QKI: variants seen among roughly 807,000 people sequenced by gnomAD.
QKI encodes QKI, KH domain containing RNA binding.
A neutral mutation model predicts 39.0 loss-of-function variants in QKI; 10 were observed. The observed-to-expected ratio is 0.26, with a 90% CI of 0.16 to 0.43. QKI has a LOEUF of 0.43. Ranked by LOEUF, QKI falls within the 20% of genes least tolerant of loss-of-function variation. QKI has a pLI of 1.00. For synonymous variants in QKI, 204 were observed against 155.4 expected, an observed-to-expected ratio of 1.31 and a Z score of -2.33; for missense variants, 218 against 428.0, an observed-to-expected ratio of 0.51 and a Z score of 4.33.
chr6:163,449,485 A>T (rs141145253), intron 1 of QKI, among the ~76,000 whole-genome samples: 312 of 152,334 alleles, frequency 2.0e-3, no homozygotes, highest in Non-Finnish European at 4.0e-3. Flanking sequence ...TAACATCAGC[A>T]TTGCAAGTTG....
rs1426342189 is a variant in QKI at position 163,424,288 on chromosome 6, A to T, written c.142+8953A>T. Among the ~76,000 whole-genome samples, 5 of 152,336 alleles carry T rather than the reference A, an allele frequency of 3.3e-5. 1 individual carries two copies. Among genetic ancestry groups the T allele is most frequent in the Admixed American group, 3.3e-4 (5 of 15,304 alleles). On this transcript the variant is annotated intron_variant, in intron 1 of 7. Coordinates refer to ENST00000361752, the MANE Select transcript of QKI (RefSeq NM_006775.3). ...CGCTGATTCCACCGTGGTTGCAGTG[A>T]TGCCATTATCATGAGAGTATTCAAG...
rs1562405965 is a variant in QKI, at chr6:163,415,160, G to T, written c.-34G>T. On this transcript the variant is annotated 5_prime_UTR_variant, in exon 1 of 8. Coordinates refer to ENST00000361752, the MANE Select transcript of QKI (RefSeq NM_006775.3). ...CCTCCTCTCCGGCGGCGGCGGCGGC[G>T]GCGGCGGGCGGAGTGAGCTGCGGAG... 8 of 1,416,604 alleles carry T rather than the reference G, an allele frequency of 5.6e-6. No individual in the cohort carries two copies. Among genetic ancestry groups the T allele is most frequent in the Non-Finnish European group, 7.5e-6 (8 of 1,069,374 alleles). The allele number at this position is 1,416,604 out of a possible 1,614,324, so 87.8% of individuals were successfully genotyped here. A position where few individuals can be genotyped will look rare whatever the true frequency, so the allele number is the denominator to read the frequency against.
intron 3 of QKI, among the ~76,000 whole-genome samples, chr6:163,484,028 A>G (rs1793277941): frequency 6.6e-6 from 1 of 152,216 alleles, no homozygotes. Flanking sequence ...CGTCTCTACC[A>G]GAGATTTTGG....
At chr6:163,449,266 A>G (rs73787650) in intron 1 of QKI, among the ~76,000 whole-genome samples, 4,757 of 152,260 alleles carry the variant, frequency 0.031, 241 homozygotes, top group African/African-American at 0.11. Flanking sequence ...GTATGTGTTT[A>G]TATATACTTG....
At chr6:163,524,591 C>A (rs1250290812) in intron 3 of QKI, among the ~76,000 whole-genome samples, 2 of 152,090 alleles carry the variant, frequency 1.3e-5, no homozygotes, top group African/African-American at 4.8e-5. Context: ...GCCTCAGCCT[C>A]CCTAGTAGCT....
intron 1 of QKI, among the ~76,000 whole-genome samples, chr6:163,434,642 G>A (rs1789105095): frequency 6.6e-6 from 1 of 151,986 alleles, no homozygotes. Flanking sequence ...GTGAACCCAG[G>A]AGGCGGAGCT....
At chr6:163,415,663 G>A (rs971790298) in intron 1 of QKI, among the ~76,000 whole-genome samples, 10 of 151,918 alleles carry the variant, frequency 6.6e-5, no homozygotes, top group African/African-American at 2.4e-4. Context: ...GGTCGGCGGG[G>A]GCTGCGCGGA....
At chr6:163,489,090 T>G (rs1777883104) in intron 3 of QKI, among the ~76,000 whole-genome samples, 1 of 151,866 alleles carries the variant, frequency 6.6e-6, no homozygotes, top group Non-Finnish European at 1.5e-5. Flanking sequence ...ATACCTTTAT[T>G]ATTTATTTTC....
intron 1 of QKI, among the ~76,000 whole-genome samples, chr6:163,442,712 T>TG (rs1454062952): frequency 1.3e-5 from 2 of 152,162 alleles, no homozygotes; most frequent in Non-Finnish European, 2.9e-5. Context: ...GAACAAATTT[T>TG]GGGGAAGGCT....
At chr6:163,536,812 A>G (rs1781238436) in intron 4 of QKI, among the ~76,000 whole-genome samples, 1 of 152,216 alleles carries the variant, frequency 6.6e-6, no homozygotes, top group South Asian at 2.1e-4. Flanking sequence ...TTTTTACTTA[A>G]ATAAATGTGG....
intron 3 of QKI, among the ~76,000 whole-genome samples, chr6:163,481,330 G>A (rs376612180): frequency 3.3e-5 from 5 of 152,182 alleles, no homozygotes; most frequent in African/African-American, 1.2e-4. Flanking sequence ...AACACAAAAT[G>A]CTACGATGGG....
intron 3 of QKI, among the ~76,000 whole-genome samples, chr6:163,485,553 T>C (rs997427270): frequency 2.0e-5 from 3 of 152,180 alleles, no homozygotes; most frequent in Non-Finnish European, 4.4e-5. Context: ...CCGTCTGCAA[T>C]TTGTCAGCTC....
At position 163,573,327 on chromosome 6, in the gene QKI, G is replaced by A. The variant is rs1783806564; in HGVS notation, c.*2617G>A. The A allele has an allele frequency of 6.6e-6, 1 of 151,934 alleles. No homozygotes were observed. The highest frequency in any genetic ancestry group is 6.6e-5 in the Admixed American group (1 of 15,236). The allele number at this position is 151,934 out of a possible 1,614,324, so 9.4% of individuals were successfully genotyped here. ...CAGTATTATGTAATTTTTTAGCGTG[G>A]GTAGATGGGAGTGTCGCTTGTATGT... On this transcript the variant is annotated 3_prime_UTR_variant, in exon 8 of 8. Coordinates refer to ENST00000361752, the MANE Select transcript of QKI (RefSeq NM_006775.3).
intron 4 of QKI, among the ~76,000 whole-genome samples, chr6:163,555,011 G>A (rs1214103115): frequency 6.6e-6 from 1 of 152,176 alleles, no homozygotes; most frequent in Non-Finnish European, 1.5e-5. Flanking sequence ...AGCTGTCGGA[G>A]CAGATCAAGG....
In QKI at chr6:163,570,710, A is replaced by T; in HGVS notation, c.1026A>T (p.Ter342TyrextTer5). The change falls in exon 8 of 8, where the codon TAA becomes TAT. Residue 342 changes from the stop codon to tyrosine, a stop_lost. Transcript: ENST00000361752. ...VTADRAATGN[*>Y] ...ACCACCCAGCCGCCACCGGCAACTA[A>T]CCTATGACCTTCTGACCTCTGAACT... is the stretch of plus-strand genomic sequence containing the variant. The T allele has an allele frequency of 6.2e-7, 1 of 1,611,826 alleles. No homozygotes were observed. Among genetic ancestry groups the T allele is most frequent in the South Asian group, 1.1e-5 (1 of 90,634 alleles).
chr6:163,433,386 A>T (rs1326109708), intron 1 of QKI, among the ~76,000 whole-genome samples: 1 of 152,198 alleles, frequency 6.6e-6, no homozygotes, highest in Non-Finnish European at 1.5e-5. Context: ...GTGATTTCAG[A>T]GTCTCTTTAA....
intron 1 of QKI, among the ~76,000 whole-genome samples, chr6:163,417,704 C>G (rs1394363669): frequency 6.6e-6 from 1 of 152,160 alleles, no homozygotes; most frequent in East Asian, 1.9e-4. Flanking sequence ...TTTCCCCTTC[C>G]CCTTTTAATG....
intron 5 of QKI, among the ~76,000 whole-genome samples, 184 bp downstream of exon 5, chr6:163,562,253 TTTTA>T (rs1783077093): frequency 6.6e-6 from 1 of 152,240 alleles, no homozygotes; most frequent in Non-Finnish European, 1.5e-5. Flanking sequence ...ACACTCTTGA[TTTTA>T]TTTTATGTCA....
At chr6:163,553,062 TTTTA>T (rs200656963) in intron 4 of QKI, among the ~76,000 whole-genome samples, 14,951 of 118,786 alleles carry the variant, frequency 0.13, 894 homozygotes, top group African/African-American at 0.16. Flanking sequence ...TTTTTTTAAT[TTTTA>T]TTTATTTATT....
Sources: gnomAD v4.1 joint callset for allele counts (sites outside exome capture counted in the v4.1 genomes callset) on GRCh38, gnomAD v4.1.1 for gene constraint, MANE v1.5 for transcripts, NCBI Gene and HGNC (gene_info 2026-07-23, HGNC 2026-07-21) for gene names.